The following SKIDA1 variants were observed in gnomAD, a reference collection of about 807,000 sequenced individuals.
The protein encoded by SKIDA1 is SKI/DACH domain containing 1.
SKIDA1 carries 18 observed loss-of-function variants against 51.4 expected under a neutral mutation model. The ratio of observed to expected loss-of-function variants is 0.35; its 90% confidence interval spans 0.24 to 0.52. SKIDA1 has a LOEUF of 0.52. Among genes scored for constraint, SKIDA1 ranks in the 20% least tolerant of loss-of-function variants. The probability of loss-of-function intolerance (pLI) is 0.95; values close to 1 mark genes in which losing one functional copy is unlikely to be tolerated. For synonymous variants in SKIDA1, 579 were observed against 500.5 expected (o/e 1.16, Z -2.09); for missense variants, 1,104 against 1,180.6 (o/e 0.94, Z 0.95).
rs2032098128 is a variant in SKIDA1, at chr10:21,513,595, T to C, written c.*1501A>G. The C allele has an allele frequency of 6.6e-6, 1 of 152,654 alleles. No individual in the cohort carries two copies. The highest frequency in any genetic ancestry group is 1.5e-5 in the Non-Finnish European group (1 of 68,046). 9.5% of individuals were successfully genotyped at this position (152,654 alleles called of 1,614,324 possible). A position where few individuals can be genotyped will look rare whatever the true frequency, so the allele number is the denominator to read the frequency against. On this transcript the variant is annotated 3_prime_UTR_variant, in exon 4 of 4. Transcript: ENST00000449193. ...CAACACAGTACACCAGCATGGCCCT[T>C]ACCCAGGGCTAGACCCTAGCATTTG...
In SKIDA1 at chr10:21,515,976, A is replaced by G. The variant is rs762289709; in HGVS notation, c.1847T>C (p.Ile616Thr). Reference protein sequence around the residue: ...PTTHCADNNTIAARFLNNDSS... With the variant: ...PTTHCADNNTTAARFLNNDSS... ...ATCATTATTTAAGAACCTAGCAGCTATTGTGTTGTTATCTGCACAGTGTGT... is the reference window on the plus strand; with the variant it reads ...ATCATTATTTAAGAACCTAGCAGCTGTTGTGTTGTTATCTGCACAGTGTGT... Residue 616 changes from isoleucine to threonine, a missense_variant, in exon 4 of 4, where the codon ATA becomes ACA. Around this residue, in one of 3 missense-constraint regions of SKIDA1, gnomAD observed 938 missense variants for 886.4 expected, o/e 1.06. Coordinates refer to ENST00000449193, the MANE Select transcript of SKIDA1 (RefSeq NM_207371.4). 6.2e-7 allele frequency: 1 copy of G among 1,613,702 alleles called. No homozygotes were observed. Among genetic ancestry groups the G allele is most frequent in the South Asian group, 1.1e-5 (1 of 91,036 alleles).
In SKIDA1 at chr10:21,516,782, G is replaced by GTGGTGGTGA. The variant is rs761810986; in HGVS notation, c.1032_1040dup (p.His349_His351dup). 9 of 1,541,526 alleles carry GTGGTGGTGA rather than the reference G, an allele frequency of 5.8e-6. No homozygotes were observed. In the East Asian group the frequency reaches 9.8e-5, roughly 17 times the overall value. On this transcript the variant is annotated inframe_insertion, in exon 4 of 4. Coordinates refer to ENST00000449193, the MANE Select transcript of SKIDA1 (RefSeq NM_207371.4). The surrounding 1 kb of genome is among the most constrained non-coding windows in gnomAD (Gnocchi z 5.7). ...GCGGCTGGGCCCGGTGGTGGTGGTG[G>GTGGTGGTGA]TGGTGGTGATGGTGGTGGTGGTGGT...
At chr10:21,524,811 G>C (rs979041411) in intron 1 of SKIDA1, 1 of 152,180 alleles carries the variant, frequency 6.6e-6, no homozygotes, top group African/African-American at 2.4e-5. Context: ...AGTTCGTAGA[G>C]AAACAATGAA....
At chr10:21,523,920 G>A (rs1278190115) in intron 1 of SKIDA1, 49 bp from the exon 2 acceptor site, 1 of 150,078 alleles carries the variant, frequency 6.7e-6, no homozygotes, top group Non-Finnish European at 1.5e-5. Flanking sequence ...TCACAAGTTC[G>A]AATTTATGGA....
chr10:21,517,334 CGCG>C lies in SKIDA1; in HGVS notation c.486_488del (p.Ala163del), dbSNP rs1052020505. Reference sequence around the variant, plus strand: ...TCTGAGGTAGATGGGCGGCGGGGCGCGCGGCGGCGGCGCCCGGGCGCTGGGACT... The same window carrying C: ...TCTGAGGTAGATGGGCGGCGGGGCGCGCGGCGGCGCCCGGGCGCTGGGACT... On this transcript the variant is annotated inframe_deletion, in exon 4 of 4. Coordinates refer to ENST00000449193, the MANE Select transcript of SKIDA1 (RefSeq NM_207371.4). This position sits in a 1 kb window ranked among gnomAD's most constrained non-coding sequence, Gnocchi z 6.9. The C allele has an allele frequency of 1.1e-5, 16 of 1,423,448 alleles. No homozygotes were observed. The highest frequency in any genetic ancestry group is 4.4e-5 in the South Asian group (3 of 67,540). 88.2% of individuals were successfully genotyped at this position (1,423,448 alleles called of 1,614,324 possible).
In SKIDA1 at chr10:21,516,896, C is replaced by CGAAAATAA. The variant is rs2131272038; in HGVS notation, c.926_927insTTATTTTC (p.Ala310TyrfsTer239). The CGAAAATAA allele has an allele frequency of 6.1e-6, 7 of 1,140,276 alleles. No individual in the cohort carries two copies. The highest frequency in any genetic ancestry group is 4.0e-5 in the South Asian group (1 of 25,134). The allele number at this position is 1,140,276 out of a possible 1,614,324, so 70.6% of individuals were successfully genotyped here. A position where few individuals can be genotyped will look rare whatever the true frequency, so the allele number is the denominator to read the frequency against. ...CGGCGGCCGCCGCCGCCGCTGCCGCCGCCGCCGCCGCCGCCGCCGCCTTGG... is the reference window on the plus strand; with the variant it reads ...CGGCGGCCGCCGCCGCCGCTGCCGCCGAAAATAAGCCGCCGCCGCCGCCGCCGCCTTGG... On this transcript the variant is annotated frameshift_variant, in exon 4 of 4. Coordinates refer to ENST00000449193, the MANE Select transcript of SKIDA1 (RefSeq NM_207371.4). LOFTEE classifies it high-confidence loss of function. This position sits in a 1 kb window ranked among gnomAD's most constrained non-coding sequence, Gnocchi z 5.7.
chr10:21,520,122 C>T (rs2032350516), intron 3 of SKIDA1, among the ~76,000 whole-genome samples: 1 of 152,224 alleles, frequency 6.6e-6, no homozygotes, highest in South Asian at 2.1e-4. Context: ...CAGCAAATTA[C>T]ATTTTTGTCC....
intron 2 of SKIDA1, among the ~76,000 whole-genome samples, chr10:21,523,391 A>C (rs1225304794): frequency 6.6e-6 from 1 of 152,176 alleles, no homozygotes; most frequent in East Asian, 1.9e-4. Context: ...AGAATCTTTT[A>C]ATTCCAATTA....
rs2032249843 is a variant in SKIDA1, at chr10:21,517,014, C to T, written c.809G>A (p.Arg270His). Reference protein sequence around the residue: ...GAGGPGSLSYRCKRKRGGAKD... With the variant: ...GAGGPGSLSYHCKRKRGGAKD... ...GGCGCCGCCGCGCTTGCGCTTGCAG[C>T]GGTAGCTCAGGCTCCCCGGGCCTCC... The change falls in exon 4 of 4, where the codon CGC becomes CAC. Residue 270 changes from arginine to histidine, a missense_variant. By Grantham distance (29) the Arg-to-His change is conservative. This residue lies in a region of SKIDA1 where 938 missense variants were observed against 886.4 expected (regional missense o/e 1.06). Transcript: ENST00000449193. This position sits in a 1 kb window ranked among gnomAD's most constrained non-coding sequence, Gnocchi z 6.9. The T allele has an allele frequency of 9.1e-7, 1 of 1,096,552 alleles. No homozygotes were observed. The highest frequency in any genetic ancestry group is 1.1e-6 in the Non-Finnish European group (1 of 904,674). The allele number at this position is 1,096,552 out of a possible 1,614,324, so 67.9% of individuals were successfully genotyped here.
rs762636734 is a variant in SKIDA1 at position 21,517,059 on chromosome 10, G to C, written c.764C>G (p.Pro255Arg). 4 of 1,014,682 alleles carry C rather than the reference G, an allele frequency of 3.9e-6. No homozygotes were observed. The highest frequency in any genetic ancestry group is 4.7e-6 in the Non-Finnish European group (4 of 851,458). The allele number at this position is 1,014,682 out of a possible 1,614,324, so 62.9% of individuals were successfully genotyped here. A position where few individuals can be genotyped will look rare whatever the true frequency, so the allele number is the denominator to read the frequency against. The change falls in exon 4 of 4, where the codon CCC becomes CGC. Residue 255 changes from proline (P) to arginine (R), a missense_variant. Around this residue, in one of 3 missense-constraint regions of SKIDA1, gnomAD observed 938 missense variants for 886.4 expected, o/e 1.06. Coordinates refer to ENST00000449193, the MANE Select transcript of SKIDA1 (RefSeq NM_207371.4). The surrounding 1 kb of genome is among the most constrained non-coding windows in gnomAD (Gnocchi z 6.9). ...GCCTCCGGCGCCCGCCGCTGCCTTGGGCTGGGGCCCGGCCGCCGATACCTG... is the reference window on the plus strand; with the variant it reads ...GCCTCCGGCGCCCGCCGCTGCCTTGCGCTGGGGCCCGGCCGCCGATACCTG... ...YYQVSAAGPQ[P>R]KAAAGAGGPG... is the part of the protein sequence containing the mutation.
chr10:21,521,049 TGA>T (rs1463799136), intron 3 of SKIDA1, among the ~76,000 whole-genome samples: 1 of 99,724 alleles, frequency 1.0e-5, no homozygotes, highest in African/African-American at 3.9e-5. Flanking sequence ...CTTGCTTGAA[TGA>T]GTGCATGCAC....
At chr10:21,525,177 A>G (rs188276819) in intron 1 of SKIDA1, among the ~76,000 whole-genome samples, 6 of 152,312 alleles carry the variant, frequency 3.9e-5, no homozygotes, top group African/African-American at 1.4e-4. Flanking sequence ...GGTAGTGGCT[A>G]TGGGAGAGAT....
intron 3 of SKIDA1, among the ~76,000 whole-genome samples, chr10:21,520,810 A>C (rs1042594912): frequency 6.6e-6 from 1 of 151,786 alleles, no homozygotes; most frequent in Non-Finnish European, 1.5e-5. Flanking sequence ...ATTTTTTTTT[A>C]ACTAAGGGCA....
In SKIDA1 at chr10:21,516,196, C is replaced by A. The variant is rs1372131904; in HGVS notation, c.1627G>T (p.Ala543Ser). The A allele has an allele frequency of 6.2e-7, 1 of 1,614,016 alleles. No homozygotes were observed. Among genetic ancestry groups the A allele is most frequent in the East Asian group, 2.2e-5 (1 of 44,888 alleles). Residue 543 changes from alanine to serine, a missense_variant, in exon 4 of 4, where the codon GCT becomes TCT. This residue lies in a region of SKIDA1 where 938 missense variants were observed against 886.4 expected (regional missense o/e 1.06). Coordinates refer to ENST00000449193, the MANE Select transcript of SKIDA1 (RefSeq NM_207371.4). The surrounding 1 kb of genome is among the most constrained non-coding windows in gnomAD (Gnocchi z 5.7). ...GATACCCTATCGTTCCTTATCTCAGCGAAACAACTCCCCAGGCTGGCCGGG... is the reference window on the plus strand; with the variant it reads ...GATACCCTATCGTTCCTTATCTCAGAGAAACAACTCCCCAGGCTGGCCGGG... ...YCPASLGSCF[A>S]EIRNDRVSEI...
rs1216650073 is a variant in SKIDA1, at chr10:21,521,465, A to C, written c.-1913T>G. The C allele has an allele frequency of 6.6e-6, 1 of 152,644 alleles. No individual in the cohort carries two copies. Among genetic ancestry groups the C allele is most frequent in the Non-Finnish European group, 1.5e-5 (1 of 68,040 alleles). The allele number at this position is 152,644 out of a possible 1,614,324, so 9.5% of individuals were successfully genotyped here. ...GGGGGTTTCTTTGATAAATTTGTTG[A>C]CCATGTCAGCTGACTCTACAATCAA... On this transcript the variant is annotated 5_prime_UTR_variant, in exon 3 of 4. Coordinates refer to ENST00000449193, the MANE Select transcript of SKIDA1 (RefSeq NM_207371.4).
chr10:21,513,901 T>C lies in SKIDA1; in HGVS notation c.*1195A>G, dbSNP rs370853266. On this transcript the variant is annotated 3_prime_UTR_variant, in exon 4 of 4. Coordinates refer to ENST00000449193, the MANE Select transcript of SKIDA1 (RefSeq NM_207371.4). ...TTTGTCACTATCAAGAGTTCGGCCA[T>C]GAAATATTCTGCTATTACGAGAAAT... 7 of 152,190 alleles carry C rather than the reference T, an allele frequency of 4.6e-5. No individual in the cohort carries two copies. The East Asian group carries it at 9.6e-4, about 21-fold the overall frequency. The allele number at this position is 152,190 out of a possible 1,614,324, so 9.4% of individuals were successfully genotyped here.
chr10:21,517,175 G>A lies in SKIDA1; in HGVS notation c.648C>T (p.Ser216=). The A allele has an allele frequency of 7.0e-7, 1 of 1,422,102 alleles. No individual in the cohort carries two copies. Among genetic ancestry groups the A allele is most frequent in the Middle Eastern group, 2.0e-4 (1 of 5,096 alleles). 88.1% of individuals were successfully genotyped at this position (1,422,102 alleles called of 1,614,324 possible). The change falls in exon 4 of 4, where the codon AGC becomes AGT. Residue 216 remains serine (S), a synonymous_variant. Transcript: ENST00000449193. The surrounding 1 kb of genome is among the most constrained non-coding windows in gnomAD (Gnocchi z 6.9). ...AFPSDPAYFR[S]LLCSKHPAAA... is the part of the protein sequence containing the mutation. ...CTGCCGGGTGTTTGCTGCACAGCAG[G>A]CTCCGAAAATAAGCAGGGTCCGAGG...
chr10:21,518,083 GA>G lies in SKIDA1; in HGVS notation c.-262del, dbSNP rs1340308337. 12 of 434,790 alleles carry G rather than the reference GA, an allele frequency of 2.8e-5. No individual in the cohort carries two copies. The South Asian group carries it at 4.9e-4, about 18-fold the overall frequency. The allele number at this position is 434,790 out of a possible 1,614,324, so 26.9% of individuals were successfully genotyped here. A position where few individuals can be genotyped will look rare whatever the true frequency, so the allele number is the denominator to read the frequency against. ...TGTTTTCGTTTTTTTAAAAAAGAGGGAAAAAACCATCCGGTTTCTGATCTGC... is the reference window on the plus strand; with the variant it reads ...TGTTTTCGTTTTTTTAAAAAAGAGGGAAAAACCATCCGGTTTCTGATCTGC... On this transcript the variant is annotated 5_prime_UTR_variant, in exon 4 of 4. An upstream open reading frame in the 5' UTR loses its in-frame stop. Coordinates refer to ENST00000449193, the MANE Select transcript of SKIDA1 (RefSeq NM_207371.4).
chr10:21,514,986 C>T lies in SKIDA1; in HGVS notation c.*110G>A, dbSNP rs2032155170. On this transcript the variant is annotated 3_prime_UTR_variant, in exon 4 of 4. Coordinates refer to ENST00000449193, the MANE Select transcript of SKIDA1 (RefSeq NM_207371.4). ...TTTCTGTCTTCAAAATGCGATAAAC[C>T]AGGACTCCAAAGGGGGTGTAACACA... 2 of 1,075,230 alleles carry T rather than the reference C, an allele frequency of 1.9e-6. No homozygotes were observed. The highest frequency in any genetic ancestry group is 2.3e-6 in the Non-Finnish European group (2 of 884,284). 66.6% of individuals were successfully genotyped at this position (1,075,230 alleles called of 1,614,324 possible).
Sources: allele counts gnomAD v4.1 joint callset (sites outside exome capture counted in the v4.1 genomes callset), GRCh38; gene constraint gnomAD v4.1.1; regional missense constraint gnomAD v4.1.1; non-coding constraint Gnocchi (gnomAD v3.1); transcripts MANE v1.5; gene names NCBI Gene and HGNC (gene_info 2026-07-23, HGNC 2026-07-21).